The following FAAH2 variants were observed in gnomAD, a reference collection of about 807,000 sequenced individuals.
FAAH2 encodes fatty acid amide hydrolase 2, also known as fatty-acid amide hydrolase 2.
Under a neutral mutation model 36.9 loss-of-function variants are expected in FAAH2, and 60 were observed. That is an observed-to-expected ratio of 1.63 (90% CI 1.32 to 2.02). FAAH2 has a LOEUF of 2.02. Ranked by LOEUF, FAAH2 falls within the 30% of genes most tolerant of loss-of-function variation. The probability of loss-of-function intolerance (pLI) is 0.00; values close to 1 mark genes in which losing one functional copy is unlikely to be tolerated. For missense variants in FAAH2, 689 were observed against 397.5 expected (o/e 1.73, Z -6.23); for synonymous variants, 214 against 143.8 (o/e 1.49, Z -3.49).
intron 1 of FAAH2, among the ~76,000 whole-genome samples, chrX:57,288,979 T>C (rs1163101171): frequency 9.0e-6 from 1 of 111,597 alleles, no homozygotes; most frequent in Non-Finnish European, 1.9e-5. Context: ...GTTTCTGACA[T>C]TTTTAAACAT....
chrX:57,292,497 G>A lies in FAAH2; in HGVS notation c.193-1G>A. On this transcript the variant is annotated splice_acceptor_variant, in intron 1 of 10. Transcript: ENST00000374900. LOFTEE classifies it high-confidence loss of function. ...GCTGACTAAAGTATTGTATTTTGCA[G>A]GTGAAATGTATAGATGTTGTTCAGG... is the stretch of plus-strand genomic sequence containing the variant. The A allele has an allele frequency of 8.3e-7, 1 of 1,202,133 alleles. No individual in the cohort carries two copies. The highest frequency in any genetic ancestry group is 1.1e-6 in the Non-Finnish European group (1 of 889,795).
At chrX:57,210,504 A>AT in the FAAH2 span, among the ~76,000 whole-genome samples, 1 of 112,322 alleles carries the variant, frequency 8.9e-6, no homozygotes, top group Non-Finnish European at 1.9e-5. Flanking sequence ...AATAAAAAGA[A>AT]GCCAAGCATC....
chrX:57,176,302 A>G, the FAAH2 span, among the ~76,000 whole-genome samples: 1 of 109,362 alleles, frequency 9.1e-6, no homozygotes, highest in African/African-American at 3.3e-5. Flanking sequence ...TTTTTGTCCA[A>G]TTGGATTAAT....
the FAAH2 span, among the ~76,000 whole-genome samples, chrX:57,149,489 G>A: frequency 9.0e-6 from 1 of 111,258 alleles, no homozygotes; most frequent in African/African-American, 3.3e-5. Context: ...GTCTTGGGAG[G>A]GTGTATGTGT....
At chrX:57,368,265 G>A (rs1288562240) in intron 5 of FAAH2, among the ~76,000 whole-genome samples, 1 of 102,987 alleles carries the variant, frequency 9.7e-6, no homozygotes, top group Non-Finnish European at 2.0e-5. Context: ...TTAGTGCTGT[G>A]CACAGCACAG....
chrX:57,125,420 A>T, the FAAH2 span, among the ~76,000 whole-genome samples: 6 of 111,836 alleles, frequency 5.4e-5, no homozygotes, highest in South Asian at 2.2e-3. Context: ...TGGAATTTCA[A>T]TGAAAAGTAA....
At chrX:57,162,639 C>G in the FAAH2 span, among the ~76,000 whole-genome samples, 1 of 111,955 alleles carries the variant, frequency 8.9e-6, no homozygotes, top group African/African-American at 3.2e-5. Context: ...ACCCTTTCTT[C>G]CAGTTGATCG....
the FAAH2 span, among the ~76,000 whole-genome samples, chrX:57,235,118 G>A: frequency 1.8e-5 from 2 of 110,824 alleles, no homozygotes. Flanking sequence ...TAGCAGTGGT[G>A]TATGATCAGG....
the FAAH2 span, among the ~76,000 whole-genome samples, chrX:57,277,065 T>TAAAAAAA: frequency 9.0e-6 from 1 of 111,201 alleles, no homozygotes; most frequent in Non-Finnish European, 1.9e-5. Context: ...ATCCTCCCTG[T>TAAAAAAA]CTCATTTTAT....
intron 7 of FAAH2, among the ~76,000 whole-genome samples, chrX:57,391,793 G>C (rs1049675477): frequency 6.4e-5 from 7 of 109,185 alleles, no homozygotes; most frequent in African/African-American, 2.3e-4. Context: ...AAATTTATTT[G>C]GCTCTTCAGG....
chrX:57,325,371 A>G (rs2053182184), intron 3 of FAAH2, among the ~76,000 whole-genome samples: 1 of 111,244 alleles, frequency 9.0e-6, no homozygotes, highest in Non-Finnish European at 1.9e-5. Context: ...GTTAGGGAGG[A>G]TTCCCTATTT....
intron 3 of FAAH2, among the ~76,000 whole-genome samples, chrX:57,328,434 C>G (rs186762075): frequency 8.9e-6 from 1 of 111,831 alleles, no homozygotes; most frequent in Non-Finnish European, 1.9e-5. Context: ...TCTATACTGA[C>G]TATTTTGTCT....
At chrX:57,213,606 G>A in the FAAH2 span, among the ~76,000 whole-genome samples, 2 of 111,599 alleles carry the variant, frequency 1.8e-5, no homozygotes, top group African/African-American at 3.2e-5. Flanking sequence ...TCAGGAGTAC[G>A]TTATTTAATT....
intron 5 of FAAH2, among the ~76,000 whole-genome samples, chrX:57,358,432 T>A (rs1326158119): frequency 9.0e-5 from 10 of 111,702 alleles, no homozygotes. Flanking sequence ...ATAACTCATA[T>A]AAGTGGAATC....
intron 10 of FAAH2, among the ~76,000 whole-genome samples, chrX:57,475,813 T>C (rs946275507): frequency 8.9e-6 from 1 of 112,337 alleles, no homozygotes; most frequent in Non-Finnish European, 1.9e-5. Flanking sequence ...TATTGATTCT[T>C]CCTATCCATG....
At chrX:57,168,158 T>A in the FAAH2 span, among the ~76,000 whole-genome samples, 21 of 111,698 alleles carry the variant, frequency 1.9e-4, no homozygotes, top group African/African-American at 2.6e-4. Flanking sequence ...TTGCTTTTTT[T>A]AATTTTTAGT....
intron 4 of FAAH2, among the ~76,000 whole-genome samples, chrX:57,333,649 T>C (rs1048642660): frequency 9.1e-6 from 1 of 109,802 alleles, no homozygotes; most frequent in African/African-American, 3.3e-5. Flanking sequence ...GGCTCATCAA[T>C]ATATTGTATA....
rs1030779668 is a variant in FAAH2, at chrX:57,399,354, T to C, written c.996+18325T>C. On this transcript the variant is annotated intron_variant, in intron 7 of 10. Coordinates refer to ENST00000374900, the MANE Select transcript of FAAH2 (RefSeq NM_174912.4). ...GCTATCAATGCCTAAGTGAAAGGTTTGGTGAAGGGTTTAAATAATTTCCAT... is the reference window on the plus strand; with the variant it reads ...GCTATCAATGCCTAAGTGAAAGGTTCGGTGAAGGGTTTAAATAATTTCCAT... 1.4e-4 allele frequency among the ~76,000 whole-genome samples: 16 copies of C among 111,810 alleles called. No individual in the cohort carries two copies. The East Asian group carries it at 4.5e-3, about 32-fold the overall frequency.
At chrX:57,297,338 A>G (rs1196048797) in intron 2 of FAAH2, among the ~76,000 whole-genome samples, 1 of 109,354 alleles carries the variant, frequency 9.1e-6, no homozygotes, top group East Asian at 2.9e-4. Flanking sequence ...CCAGCATTTC[A>G]TATACAGCCA....
Sources: allele counts gnomAD v4.1 joint callset (sites outside exome capture counted in the v4.1 genomes callset), GRCh38; gene constraint gnomAD v4.1.1; transcripts MANE v1.5; gene names NCBI Gene and HGNC (gene_info 2026-07-23, HGNC 2026-07-21).